The following SNX27 variants were observed in gnomAD, a reference collection of about 807,000 sequenced individuals.
SNX27 encodes the protein sorting nexin-27.
SNX27 carries 22 observed loss-of-function variants against 71.6 expected under a neutral mutation model. That is an observed-to-expected ratio of 0.31 (90% CI 0.22 to 0.44). SNX27 has a LOEUF of 0.44. SNX27 is among the 20% of genes least tolerant of loss of function. The pLI is 1.00. For missense variants in SNX27, 531 were observed against 698.6 expected, an observed-to-expected ratio of 0.76 and a Z score of 2.70; for synonymous variants, 269 against 277.2, an observed-to-expected ratio of 0.97 and a Z score of 0.29.
rs1671731729 is a variant in SNX27 at position 151,696,513 on chromosome 1, C to CGTTCTTTT, written c.*2103_*2104insTGTTCTTT. ...TCTTTCTTTCTTTCTTTCGTTCTTT[C>CGTTCTTTT]GTTCTTTCGTTCTTTCTTTCTTTCT... On this transcript the variant is annotated 3_prime_UTR_variant, in exon 12 of 12. Coordinates refer to ENST00000458013, the MANE Select transcript of SNX27 (RefSeq NM_001330723.2). The CGTTCTTTT allele has an allele frequency of 7.1e-6, 1 of 141,300 alleles. No individual in the cohort carries two copies. The highest frequency in any genetic ancestry group is 2.8e-5 in the African/African-American group (1 of 35,246). The allele number at this position is 141,300 out of a possible 1,614,324, so 8.8% of individuals were successfully genotyped here.
chr1:151,646,716 GT>G (rs576916205), intron 2 of SNX27, among the ~76,000 whole-genome samples: 94 of 149,382 alleles, frequency 6.3e-4, no homozygotes, highest in Admixed American at 2.4e-3. Flanking sequence ...TGGCCATTTT[GT>G]CCCCCCGTCA....
At position 151,683,647 on chromosome 1, in the gene SNX27, C is replaced by G. The variant is rs527571443; in HGVS notation, c.1239+202C>G. Among the ~76,000 whole-genome samples the G allele has an allele frequency of 2.2e-5, 3 of 136,892 alleles. No individual in the cohort carries two copies. In the South Asian group the frequency reaches 6.8e-4, roughly 31 times the overall value. 89.8% of individuals were successfully genotyped at this position (136,892 alleles called of 152,430 possible). ...GATCTTGAATTACTGTGTATTAGTA[C>G]ATAATTTTATTATTATTTTGGGGGG... On this transcript the variant is annotated intron_variant, in intron 8 of 11. Transcript: ENST00000458013.
chr1:151,646,584 T>C (rs1308861907), intron 2 of SNX27, among the ~76,000 whole-genome samples: 1 of 149,158 alleles, frequency 6.7e-6, no homozygotes, highest in East Asian at 1.9e-4. Context: ...TATTTGAATT[T>C]GTAGTTGTAT....
chr1:151,648,524 A>G (rs1669168509), intron 2 of SNX27, among the ~76,000 whole-genome samples: 1 of 151,302 alleles, frequency 6.6e-6, no homozygotes, highest in African/African-American at 2.4e-5. Context: ...GATTCAAGCA[A>G]TTCTTCTGCC....
At chr1:151,693,538 T>G in intron 11 of SNX27, 55 bp downstream of exon 11, 1 of 1,613,134 alleles carries the variant, frequency 6.2e-7, no homozygotes, top group Non-Finnish European at 8.5e-7. Context: ...TCTTTAAAAT[T>G]TATAGGCCTG....
At chr1:151,664,667 T>TA (rs918840137) in intron 5 of SNX27, among the ~76,000 whole-genome samples, 2 of 152,162 alleles carry the variant, frequency 1.3e-5, no homozygotes, top group African/African-American at 2.4e-5. Context: ...TAGCAAACAT[T>TA]AAAAAACCTA....
At chr1:151,613,259 C>G (rs1667276526) in intron 1 of SNX27, 1 of 152,398 alleles carries the variant, frequency 6.6e-6, no homozygotes, top group Non-Finnish European at 1.5e-5. Flanking sequence ...TTTCTCTTCT[C>G]GGTTGGCCCC....
rs568082843 is a variant in SNX27 at position 151,687,112 on chromosome 1, C to T, written c.1239+3667C>T. 3.9e-5 allele frequency among the ~76,000 whole-genome samples: 6 copies of T among 152,274 alleles called. No individual in the cohort carries two copies. The East Asian group carries it at 1.2e-3, about 29-fold the overall frequency. ...TATAATATACAAGAAACAATGTTTT[C>T]TCTTCTCTTCCTTCCTCCCTCCCTC... On this transcript the variant is annotated intron_variant, in intron 8 of 11. Transcript: ENST00000458013.
intron 1 of SNX27, among the ~76,000 whole-genome samples, chr1:151,615,467 C>T (rs149574570): frequency 1.3e-5 from 2 of 152,118 alleles, no homozygotes; most frequent in African/African-American, 2.4e-5. Context: ...TATCTGTGCC[C>T]GCTACTTGTC....
intron 2 of SNX27, among the ~76,000 whole-genome samples, chr1:151,644,843 G>C (rs1380316754): frequency 6.6e-6 from 1 of 152,072 alleles, no homozygotes; most frequent in African/African-American, 2.4e-5. Flanking sequence ...GTGTCAGCTA[G>C]GCTGGAGTGC....
intron 1 of SNX27, among the ~76,000 whole-genome samples, chr1:151,623,554 TCCTAA>T (rs1166263310): frequency 2.0e-5 from 3 of 152,040 alleles, no homozygotes; most frequent in Non-Finnish European, 4.4e-5. Flanking sequence ...GAGCCACCAC[TCCTAA>T]CCTAATTTTT....
chr1:151,640,345 T>C (rs1305092266), intron 2 of SNX27, among the ~76,000 whole-genome samples: 1 of 152,178 alleles, frequency 6.6e-6, no homozygotes, highest in Admixed American at 6.5e-5. Context: ...AAAGGAATAA[T>C]ACTACCAATT....
chr1:151,663,538 G>C (rs1670058486), intron 5 of SNX27, among the ~76,000 whole-genome samples: 1 of 151,822 alleles, frequency 6.6e-6, no homozygotes, highest in South Asian at 2.1e-4. Context: ...TTGCAGAAAT[G>C]GGTCAGTGTC....
chr1:151,660,081 A>G lies in SNX27; in HGVS notation c.737-717A>G, dbSNP rs567806856. 7.9e-5 allele frequency: 12 copies of G among 152,322 alleles called. 1 individual carries two copies. Among genetic ancestry groups the G allele is most frequent in the Admixed American group, 5.2e-4 (8 of 15,300 alleles). 9.4% of individuals were successfully genotyped at this position (152,322 alleles called of 1,614,324 possible). A position where few individuals can be genotyped will look rare whatever the true frequency, so the allele number is the denominator to read the frequency against. ...CCTCTCTGAACAAAGCCCTTGGGAAATGAGAAAGGGTACAATTTTTAAAAA... is the reference window on the plus strand; with the variant it reads ...CCTCTCTGAACAAAGCCCTTGGGAAGTGAGAAAGGGTACAATTTTTAAAAA... On this transcript the variant is annotated intron_variant, in intron 3 of 11. Transcript: ENST00000458013.
chr1:151,688,094 A>G (rs2102733773), intron 8 of SNX27, among the ~76,000 whole-genome samples: 1 of 152,286 alleles, frequency 6.6e-6, no homozygotes, highest in African/African-American at 2.4e-5. Flanking sequence ...TACATGATAC[A>G]TGAATAAAGG....
intron 3 of SNX27, 79 bp downstream of exon 3, chr1:151,658,506 T>C: frequency 7.3e-7 from 1 of 1,379,076 alleles, no homozygotes; most frequent in Non-Finnish European, 9.9e-7. Context: ...CATAGCTGAA[T>C]TTCCAGAACC....
At chr1:151,620,128 A>G (rs571544665) in intron 1 of SNX27, among the ~76,000 whole-genome samples, 1 of 152,358 alleles carries the variant, frequency 6.6e-6, no homozygotes, top group South Asian at 2.1e-4. Context: ...TAGGCTAGCA[A>G]GGGGCTTAAA....
chr1:151,632,986 C>T (rs1440297025), intron 1 of SNX27, among the ~76,000 whole-genome samples: 1 of 151,908 alleles, frequency 6.6e-6, no homozygotes, highest in Non-Finnish European at 1.5e-5. Context: ...ATTCTCCTGC[C>T]TCAGCCTCCC....
chr1:151,618,250 TACTC>T (rs1667517823), intron 1 of SNX27, among the ~76,000 whole-genome samples: 1 of 152,160 alleles, frequency 6.6e-6, no homozygotes. Flanking sequence ...TATCTTTATT[TACTC>T]ACTATTACCC....
Sources: allele counts gnomAD v4.1 joint callset (sites outside exome capture counted in the v4.1 genomes callset), GRCh38; gene constraint gnomAD v4.1.1; transcripts MANE v1.5; gene names NCBI Gene and HGNC (gene_info 2026-07-23, HGNC 2026-07-21).